Variants in FBXW7 observed in about 807,000 individuals in gnomAD.
The protein encoded by FBXW7 is F-box/WD repeat-containing protein 7.
Under a neutral mutation model 86.3 loss-of-function variants are expected in FBXW7, and 11 were observed. The ratio of observed to expected loss-of-function variants is 0.13; its 90% CI spans 0.08 to 0.21. The LOEUF (loss-of-function observed/expected upper bound fraction) is 0.21. Ranked by LOEUF, FBXW7 falls within the 10% of genes least tolerant of loss-of-function variation. The pLI, the probability that FBXW7 is intolerant of heterozygous loss-of-function variation, is 1.00. For missense variants in FBXW7, 488 were observed against 847.4 expected (o/e 0.58, Z 5.27); for synonymous variants, 313 against 297.9 (o/e 1.05, Z -0.52).
intron 2 of FBXW7, among the ~76,000 whole-genome samples, chr4:152,503,065 A>G (rs1176342767): frequency 6.6e-6 from 1 of 152,246 alleles, no homozygotes; most frequent in Non-Finnish European, 1.5e-5. Context: ...ATGGTAAAGA[A>G]ATTATTTCAA....
At chr4:152,519,492 C>G (rs1579418251) in intron 2 of FBXW7, among the ~76,000 whole-genome samples, 1 of 152,166 alleles carries the variant, frequency 6.6e-6, no homozygotes, top group Admixed American at 6.5e-5. Flanking sequence ...AACTCTCACT[C>G]AACAACACAT....
intron 2 of FBXW7, among the ~76,000 whole-genome samples, chr4:152,497,650 T>TA (rs554958595): frequency 1.1e-3 from 165 of 151,860 alleles, no homozygotes; most frequent in African/African-American, 3.6e-3. Context: ...TAAATGTTGA[T>TA]AAAAAAAAGT....
rs1344005135 is a variant in FBXW7, at chr4:152,372,623, C to T, written c.502-22499G>A. 2.0e-5 allele frequency among the ~76,000 whole-genome samples: 3 copies of T among 152,044 alleles called. No homozygotes were observed. In the East Asian group the frequency reaches 5.8e-4, roughly 29 times the overall value. On this transcript the variant is annotated intron_variant, in intron 4 of 13. Transcript: ENST00000281708. ...CAAGGGACTGTGGACTTATTTCACA[C>T]TTGTTTACCTTGCCAGGAGCTTAGT...
intron 7 of FBXW7, among the ~76,000 whole-genome samples, chr4:152,335,266 A>G (rs1424682574): frequency 2.0e-5 from 3 of 152,050 alleles, no homozygotes; most frequent in African/African-American, 7.2e-5. Flanking sequence ...TGGAATTAGT[A>G]CTCTCATAAA....
At chr4:152,352,830 C>G (rs1731974502) in intron 4 of FBXW7, 1 of 1,534,920 alleles carries the variant, frequency 6.5e-7, no homozygotes, top group Non-Finnish European at 8.7e-7. Flanking sequence ...CTTGACTGAA[C>G]AGATTCCTCC....
At chr4:152,465,130 T>C (rs541896315) in intron 2 of FBXW7, among the ~76,000 whole-genome samples, 6 of 152,226 alleles carry the variant, frequency 3.9e-5, no homozygotes, top group East Asian at 3.9e-4. Context: ...CTACCTATTA[T>C]ATATGGAAGC....
At chr4:152,508,046 A>C (rs1747591918) in intron 2 of FBXW7, among the ~76,000 whole-genome samples, 1 of 151,804 alleles carries the variant, frequency 6.6e-6, no homozygotes, top group South Asian at 2.1e-4. Context: ...CTCCAGCCTG[A>C]GTGACACAGC....
At chr4:152,416,259 C>T (rs528456310) in intron 2 of FBXW7, among the ~76,000 whole-genome samples, 1 of 152,262 alleles carries the variant, frequency 6.6e-6, no homozygotes, top group African/African-American at 2.4e-5. Context: ...AACTTCGAGC[C>T]AGGTCACAAA....
intron 4 of FBXW7, among the ~76,000 whole-genome samples, chr4:152,409,422 T>C (rs370504802): frequency 1.8e-4 from 28 of 152,318 alleles, no homozygotes; most frequent in African/African-American, 6.7e-4. Context: ...CTATTTATTG[T>C]ATTAAAACAT....
At chr4:152,375,384 T>C (rs1734407614) in intron 4 of FBXW7, among the ~76,000 whole-genome samples, 2 of 152,052 alleles carry the variant, frequency 1.3e-5, no homozygotes, top group Admixed American at 6.6e-5. Context: ...CAATAATAAA[T>C]TATCAAATCA....
chr4:152,321,510 G>C lies in FBXW7; in HGVS notation c.*1371C>G. ...TTAAACCACTTTCACAGTTCAGCTTGAGTTGTGGCTCTTGGAGAATGAGGC... is the reference window on the plus strand; with the variant it reads ...TTAAACCACTTTCACAGTTCAGCTTCAGTTGTGGCTCTTGGAGAATGAGGC... On this transcript the variant is annotated 3_prime_UTR_variant, in exon 14 of 14. Transcript: ENST00000281708. The C allele has an allele frequency of 4.3e-6, 1 of 233,172 alleles. No homozygotes were observed. The highest frequency in any genetic ancestry group is 8.5e-6 in the Non-Finnish European group (1 of 117,718). 14.4% of individuals were successfully genotyped at this position (233,172 alleles called of 1,614,324 possible).
At chr4:152,525,311 T>C (rs1426448839) in intron 2 of FBXW7, among the ~76,000 whole-genome samples, 1 of 152,170 alleles carries the variant, frequency 6.6e-6, no homozygotes, top group East Asian at 1.9e-4. Flanking sequence ...AAAGAATATA[T>C]TTTTTAAACT....
At chr4:152,454,723 C>T (rs943356815) in intron 2 of FBXW7, among the ~76,000 whole-genome samples, 5 of 151,914 alleles carry the variant, frequency 3.3e-5, no homozygotes, top group South Asian at 4.1e-4. Context: ...ATATATCCTC[C>T]TTCCAAAAAA....
intron 2 of FBXW7, among the ~76,000 whole-genome samples, chr4:152,482,638 C>T (rs921026041): frequency 2.0e-5 from 3 of 152,138 alleles, no homozygotes; most frequent in African/African-American, 7.2e-5. Context: ...TGCATGTAAC[C>T]ATTGCTACTG....
intron 2 of FBXW7, among the ~76,000 whole-genome samples, chr4:152,463,054 G>A (rs977637281): frequency 1.3e-5 from 2 of 151,730 alleles, no homozygotes; most frequent in Admixed American, 1.3e-4. Flanking sequence ...TTGGGAGGCT[G>A]AGACAGGTGG....
intron 2 of FBXW7, among the ~76,000 whole-genome samples, chr4:152,466,272 C>T (rs1743427951): frequency 6.6e-6 from 1 of 152,254 alleles, no homozygotes; most frequent in South Asian, 2.1e-4. Context: ...ATTAAAGACA[C>T]TGGCTGGGCG....
At chr4:152,385,984 C>T (rs145752785) in intron 4 of FBXW7, among the ~76,000 whole-genome samples, 5 of 151,906 alleles carry the variant, frequency 3.3e-5, no homozygotes. Context: ...CCAATCAACA[C>T]GAAACACTAA....
chr4:152,341,822 C>T (rs191281505), intron 6 of FBXW7, among the ~76,000 whole-genome samples: 75 of 152,096 alleles, frequency 4.9e-4, no homozygotes, highest in African/African-American at 1.5e-3. Context: ...TGTGTGTGTG[C>T]GCGCGCATGC....
Position 152,393,495 on chromosome 4 carries a change from C to T in FBXW7, c.501+17808G>A, listed in dbSNP as rs989711953. On this transcript the variant is annotated intron_variant, in intron 4 of 13. Transcript: ENST00000281708. ...ATGAATAAACCCCAAAACTGAAACA[C>T]GTGATAAACACTACAGAGGTACCTC... 2.6e-5 allele frequency among the ~76,000 whole-genome samples: 4 copies of T among 152,022 alleles called. No homozygotes were observed. The South Asian group carries it at 6.2e-4, about 24-fold the overall frequency.
Sources: gnomAD v4.1 joint callset for allele counts (sites outside exome capture counted in the v4.1 genomes callset) on GRCh38, gnomAD v4.1.1 for gene constraint, MANE v1.5 for transcripts, NCBI Gene and HGNC (gene_info 2026-07-23, HGNC 2026-07-21) for gene names.